SYT1: variants seen among roughly 807,000 people sequenced by gnomAD.
The protein encoded by SYT1 is synaptotagmin-1.
In SYT1, 8 loss-of-function variants were observed where a neutral mutation model predicts 44.8. The observed-to-expected ratio is 0.18, with a 90% CI of 0.10 to 0.32. SYT1 has a LOEUF of 0.32. Among genes scored for constraint, SYT1 ranks in the 10% least tolerant of loss-of-function variants. The probability of loss-of-function intolerance (pLI) is 1.00; values close to 1 mark genes in which losing one functional copy is unlikely to be tolerated. For synonymous variants in SYT1, 154 were observed against 188.8 expected, an observed-to-expected ratio of 0.82 and a Z score of 1.51; for missense variants, 286 against 509.3, an observed-to-expected ratio of 0.56 and a Z score of 4.22.
intron 9 of SYT1, among the ~76,000 whole-genome samples, chr12:79,413,242 G>A (rs565347312): frequency 1.4e-4 from 22 of 152,282 alleles, no homozygotes; most frequent in Admixed American, 3.9e-4. Context: ...ATTGTGTTGA[G>A]TTTGAAGGAC....
At chr12:78,889,631 T>C (rs1874937384) in intron 1 of SYT1, among the ~76,000 whole-genome samples, 1 of 151,458 alleles carries the variant, frequency 6.6e-6, no homozygotes. Flanking sequence ...CATGGGAACA[T>C]AACGAAGAGC....
intron 2 of SYT1, among the ~76,000 whole-genome samples, chr12:79,010,416 T>G (rs1470370547): frequency 6.6e-6 from 1 of 152,114 alleles, no homozygotes; most frequent in East Asian, 1.9e-4. Flanking sequence ...AAATGTTTCC[T>G]TATGTGTTCA....
chr12:79,372,640 C>A (rs1396827859), intron 9 of SYT1, among the ~76,000 whole-genome samples: 1 of 152,182 alleles, frequency 6.6e-6, no homozygotes, highest in Admixed American at 6.5e-5. Flanking sequence ...TATTTCTGAA[C>A]AAGCAAATGA....
At chr12:79,357,144 C>T (rs1883144026) in intron 9 of SYT1, among the ~76,000 whole-genome samples, 1 of 152,184 alleles carries the variant, frequency 6.6e-6, no homozygotes. Flanking sequence ...TTCCTTCCTG[C>T]AGTATTCATT....
chr12:79,082,093 T>A (rs1012582602), intron 3 of SYT1, among the ~76,000 whole-genome samples: 1 of 152,218 alleles, frequency 6.6e-6, no homozygotes, highest in African/African-American at 2.4e-5. Context: ...CAAATGCCCA[T>A]CTATTGAAAG....
chr12:79,031,024 T>A lies in SYT1; in HGVS notation c.-83-16273T>A, dbSNP rs146091166. 4.9e-3 allele frequency among the ~76,000 whole-genome samples: 746 copies of A among 151,206 alleles called. 19 individuals carry two copies. The highest frequency in any genetic ancestry group is 1.8e-3 in the Non-Finnish European group (124 of 67,322). The stretch of plus-strand genomic sequence containing the variant: ...TAAACTTTTGGAGCTGCTGCTCATT[T>A]ATATATATTCCAGAAAGAATGAAAT... On this transcript the variant is annotated intron_variant, in intron 2 of 10. Coordinates refer to ENST00000261205, the MANE Select transcript of SYT1 (RefSeq NM_005639.3).
chr12:79,323,770 A>G (rs1226628202), intron 8 of SYT1, among the ~76,000 whole-genome samples: 1 of 151,642 alleles, frequency 6.6e-6, no homozygotes, highest in Non-Finnish European at 1.5e-5. Flanking sequence ...TATATGGAAA[A>G]ATGTTTTAGT....
At chr12:79,105,804 C>A (rs937467578) in intron 3 of SYT1, among the ~76,000 whole-genome samples, 5 of 151,498 alleles carry the variant, frequency 3.3e-5, no homozygotes, top group African/African-American at 1.2e-4. Context: ...GGCATGAACC[C>A]GGGAGGCGGA....
intron 1 of SYT1, among the ~76,000 whole-genome samples, chr12:78,935,477 T>C (rs1328917476): frequency 1.3e-5 from 2 of 152,028 alleles, no homozygotes; most frequent in Admixed American, 1.3e-4. Context: ...TATACTAAGT[T>C]ATAGAACAGA....
Position 78,977,429 on chromosome 12 carries a change from G to GAT in SYT1, c.-216-369_-216-368insTA, listed in dbSNP as rs1196605646. On this transcript the variant is annotated intron_variant, in intron 1 of 10. Coordinates refer to ENST00000261205, the MANE Select transcript of SYT1 (RefSeq NM_005639.3). ...GAGTCTTGTTAGCAAAACAAAGTGT[G>GAT]AATTGCTTAGATAATTCCCTGCTGT... is the stretch of plus-strand genomic sequence containing the variant. The GAT allele has an allele frequency of 6.6e-5, 10 of 152,316 alleles. No individual in the cohort carries two copies. The East Asian group carries it at 1.9e-3, about 29-fold the overall frequency. The allele number at this position is 152,316 out of a possible 1,614,324, so 9.4% of individuals were successfully genotyped here.
At chr12:79,086,218 A>G (rs1877370195) in intron 3 of SYT1, among the ~76,000 whole-genome samples, 1 of 152,116 alleles carries the variant, frequency 6.6e-6, no homozygotes, top group Non-Finnish European at 1.5e-5. Context: ...GTGATCAAAT[A>G]CATGAGAAAA....
chr12:78,897,068 C>T (rs924547672), intron 1 of SYT1, among the ~76,000 whole-genome samples: 5 of 151,674 alleles, frequency 3.3e-5, no homozygotes, highest in African/African-American at 4.8e-5. Context: ...GCAATATATT[C>T]GAGGTAAATT....
In SYT1 at chr12:79,379,396, C is replaced by T. The variant is rs372667424; in HGVS notation, c.928+25777C>T. ...CTTTTTGAAGGTTACCAAAATGTAC[C>T]AGCTGTGTACCATTCCAAGGAGTCC... On this transcript the variant is annotated intron_variant, in intron 9 of 10. Transcript: ENST00000261205. Among the ~76,000 whole-genome samples, 8 of 152,022 alleles carry T rather than the reference C, an allele frequency of 5.3e-5. No homozygotes were observed. The East Asian group carries it at 1.4e-3, about 26-fold the overall frequency.
intron 4 of SYT1, among the ~76,000 whole-genome samples, chr12:79,218,254 TA>T (rs1284055839): frequency 1.3e-5 from 2 of 152,180 alleles, no homozygotes; most frequent in Non-Finnish European, 2.9e-5. Flanking sequence ...CACTGACAGA[TA>T]AAATCATACT....
At chr12:78,937,415 A>T (rs1878121291) in intron 1 of SYT1, among the ~76,000 whole-genome samples, 6 of 152,164 alleles carry the variant, frequency 3.9e-5, no homozygotes, top group Admixed American at 3.3e-4. Context: ...TCTGGTAACA[A>T]ACAATGAAAA....
intron 1 of SYT1, among the ~76,000 whole-genome samples, chr12:78,966,559 C>T (rs549164794): frequency 4.6e-5 from 7 of 152,204 alleles, no homozygotes; most frequent in South Asian, 2.1e-4. Context: ...ACATTTTTAG[C>T]GTTTCAAAAG....
intron 3 of SYT1, among the ~76,000 whole-genome samples, chr12:79,116,059 TG>T (rs1338839671): frequency 1.3e-5 from 2 of 152,228 alleles, no homozygotes; most frequent in African/African-American, 4.8e-5. Flanking sequence ...ACTAGCTGGA[TG>T]ACCTTGGAAT....
chr12:79,437,531 G>A (rs767228732), intron 9 of SYT1, among the ~76,000 whole-genome samples: 9 of 152,174 alleles, frequency 5.9e-5, no homozygotes, highest in Non-Finnish European at 1.2e-4. Flanking sequence ...AGTTAAGGTG[G>A]TCATGGCCTT....
At chr12:79,260,956 C>A (rs749209981) in intron 4 of SYT1, among the ~76,000 whole-genome samples, 1 of 152,102 alleles carries the variant, frequency 6.6e-6, no homozygotes, top group Non-Finnish European at 1.5e-5. Flanking sequence ...CTGCAGAAAT[C>A]CTGCATGTCT....
Sources: gnomAD v4.1 joint callset for allele counts (sites outside exome capture counted in the v4.1 genomes callset) on GRCh38, gnomAD v4.1.1 for gene constraint, MANE v1.5 for transcripts, NCBI Gene and HGNC (gene_info 2026-07-23, HGNC 2026-07-21) for gene names.